Variants in NR2C1 observed in about 807,000 individuals in gnomAD.
NR2C1 encodes the protein TR2 nuclear hormone receptor.
A neutral mutation model predicts 74.8 loss-of-function variants in NR2C1; 33 were observed. That is an observed-to-expected ratio of 0.44 (90% CI 0.33 to 0.59). The LOEUF (loss-of-function observed/expected upper bound fraction) is 0.59. Ranked by LOEUF, NR2C1 falls within the 20% of genes least tolerant of loss-of-function variation. The pLI is 0.02. For missense variants in NR2C1, 568 were observed against 715.6 expected, an observed-to-expected ratio of 0.79 and a Z score of 2.35; for synonymous variants, 225 against 240.6, an observed-to-expected ratio of 0.94 and a Z score of 0.60.
chr12:95,029,601 A>G (rs1592725334), intron 11 of NR2C1, among the ~76,000 whole-genome samples: 1 of 134,790 alleles, frequency 7.4e-6, no homozygotes, highest in East Asian at 2.2e-4. Flanking sequence ...TCTGTCGCCC[A>G]GGCTGGAGTG....
chr12:95,045,048 G>GA (rs1872134867), intron 9 of NR2C1, among the ~76,000 whole-genome samples: 1 of 152,060 alleles, frequency 6.6e-6, no homozygotes, highest in African/African-American at 2.4e-5. Context: ...CACACAAATA[G>GA]AAAAAAATCA....
chr12:95,024,866 G>A (rs1592718088), intron 13 of NR2C1, among the ~76,000 whole-genome samples: 1 of 152,212 alleles, frequency 6.6e-6, no homozygotes, highest in Non-Finnish European at 1.5e-5. Flanking sequence ...GGATTTTAGA[G>A]TCAGACTACT....
chr12:95,050,224 A>G (rs1041047965), intron 8 of NR2C1, among the ~76,000 whole-genome samples: 1 of 152,242 alleles, frequency 6.6e-6, no homozygotes, highest in African/African-American at 2.4e-5. Flanking sequence ...TTTTTCAATA[A>G]GCCTCCTAGA....
At chr12:95,022,978 T>C (rs947041638) in intron 13 of NR2C1, among the ~76,000 whole-genome samples, 12 of 151,742 alleles carry the variant, frequency 7.9e-5, no homozygotes, top group South Asian at 2.1e-4. Context: ...ACTGAGATTA[T>C]AAGCGTGAGC....
At chr12:95,044,324 G>A (rs1684759761) in intron 9 of NR2C1, among the ~76,000 whole-genome samples, 1 of 151,568 alleles carries the variant, frequency 6.6e-6, no homozygotes, top group African/African-American at 2.4e-5. Context: ...CTGCAGTGCA[G>A]TGGTGCCATC....
At chr12:95,059,106 A>C (rs1859713535) in intron 4 of NR2C1, among the ~76,000 whole-genome samples, 1 of 151,846 alleles carries the variant, frequency 6.6e-6, no homozygotes, top group Non-Finnish European at 1.5e-5. Flanking sequence ...GTTCAAGACC[A>C]GCATGGCCAA....
Position 95,025,244 on chromosome 12 carries a change from G to A in NR2C1, c.1543C>T (p.Leu515=), listed in dbSNP as rs752435208. 4.4e-6 allele frequency: 7 copies of A among 1,582,334 alleles called. No homozygotes were observed. In the African/African-American group the frequency reaches 8.1e-5, roughly 18 times the overall value. ...IVLFSPDHPS[L]ENMEQIEKFQ... ...TTCTCTATCTGTTCCATGTTTTCTA[G>A]GCTTGGATGATCTGAAACATTAAAG... The change falls in exon 13 of 14, where the codon CTA becomes TTA. Residue 515 remains leucine, a synonymous_variant. Coordinates refer to ENST00000333003, the MANE Select transcript of NR2C1 (RefSeq NM_003297.4).
At chr12:95,037,041 A>G (rs1192163320) in intron 10 of NR2C1, among the ~76,000 whole-genome samples, 5 of 152,216 alleles carry the variant, frequency 3.3e-5, no homozygotes, top group African/African-American at 1.2e-4. Flanking sequence ...GTAATTTAAA[A>G]GATTCAGCTG....
At chr12:95,072,300 A>C (rs1876776505) in intron 1 of NR2C1, among the ~76,000 whole-genome samples, 2 of 150,880 alleles carry the variant, frequency 1.3e-5, no homozygotes, top group Admixed American at 1.3e-4. Context: ...ACAAAAACAA[A>C]AAAACTAGCT....
chr12:95,043,547 G>A (rs1871874593), intron 9 of NR2C1, among the ~76,000 whole-genome samples: 1 of 151,518 alleles, frequency 6.6e-6, no homozygotes, highest in Non-Finnish European at 1.5e-5. Flanking sequence ...AAATTAGCCG[G>A]GCATGGCGGT....
At chr12:95,046,313 T>C (rs918910596) in intron 9 of NR2C1, among the ~76,000 whole-genome samples, 2 of 152,194 alleles carry the variant, frequency 1.3e-5, no homozygotes, top group African/African-American at 2.4e-5. Flanking sequence ...CTACCAGGTA[T>C]GGTGGGTTAC....
Position 95,049,157 on chromosome 12 carries a change from C to T in NR2C1, c.1042G>A (p.Gly348Arg), listed in dbSNP as rs373219287. Reference protein sequence around the residue: ...ACQSSVAGMEGSVHLITGDSS... With the variant: ...ACQSSVAGMERSVHLITGDSS... ...TCTCCAGTGATTAGGTGTACACTTC[C>T]TTCCATGCCCGCTACTGAGCTCTGG... Residue 348 changes from glycine to arginine, a missense_variant, in exon 9 of 14, where the codon GGA (glycine) becomes AGA (arginine). This residue lies in a region of NR2C1 where 239 missense variants were observed against 232.3 expected (regional missense o/e 1.03). Transcript: ENST00000333003. 2.1e-5 allele frequency: 34 copies of T among 1,614,014 alleles called. No individual in the cohort carries two copies. The Middle Eastern group carries it at 9.9e-4, about 47-fold the overall frequency.
At chr12:95,031,556 A>ATTTATAT in intron 10 of NR2C1, 68 bp from the exon 11 acceptor site, 5 of 1,234,626 alleles carry the variant, frequency 4.0e-6, no homozygotes, top group Non-Finnish European at 5.5e-6. Context: ...CCTTACAGCT[A>ATTTATAT]GTCCAAATAC....
At chr12:95,038,803 T>C (rs1221061360) in intron 10 of NR2C1, among the ~76,000 whole-genome samples, 1 of 152,204 alleles carries the variant, frequency 6.6e-6, no homozygotes, top group Non-Finnish European at 1.5e-5. Context: ...CCCTCAGTAG[T>C]GTGTACTTGG....
At chr12:95,067,263 G>A (rs997953154) in intron 2 of NR2C1, 68 bp downstream of exon 2, 1 of 1,185,798 alleles carries the variant, frequency 8.4e-7, no homozygotes, top group South Asian at 1.2e-5. Flanking sequence ...TCCAGAACCT[G>A]GTATATGCAT....
intron 2 of NR2C1, among the ~76,000 whole-genome samples, chr12:95,065,327 C>T (rs140785542): frequency 9.7e-4 from 147 of 152,124 alleles, no homozygotes; most frequent in African/African-American, 3.4e-3. Context: ...GGATTACAGG[C>T]GCCCGCCACC....
intron 3 of NR2C1, among the ~76,000 whole-genome samples, chr12:95,060,240 T>C (rs1434763291): frequency 6.6e-6 from 1 of 152,184 alleles, no homozygotes; most frequent in African/African-American, 2.4e-5. Flanking sequence ...TATAAATAAA[T>C]TTCCTTGAGG....
At chr12:95,046,318 G>A (rs1872306877) in intron 9 of NR2C1, among the ~76,000 whole-genome samples, 1 of 152,158 alleles carries the variant, frequency 6.6e-6, no homozygotes, top group Non-Finnish European at 1.5e-5. Flanking sequence ...AGGTATGGTG[G>A]GTTACACTTG....
Position 95,043,689 on chromosome 12 carries a change from C to CAAAAAAAAAAAAAAAAAAAAAAAA in NR2C1, c.1132-3093_1132-3092insTTTTTTTTTTTTTTTTTTTTTTTT, listed in dbSNP as rs34229669. On this transcript the variant is annotated intron_variant, in intron 9 of 13. Coordinates refer to ENST00000333003, the MANE Select transcript of NR2C1 (RefSeq NM_003297.4). ...TGGGAGACAGAGCAAGACTCTGTCT[C>CAAAAAAAAAAAAAAAAAAAAAAAA]AAAAAAAAAAAAAATCCTTTGCAAA... Among the ~76,000 whole-genome samples the CAAAAAAAAAAAAAAAAAAAAAAAA allele has an allele frequency of 1.8e-4, 17 of 94,274 alleles. 1 individual carries two copies. The highest frequency in any genetic ancestry group is 2.0e-4 in the African/African-American group (5 of 25,020). 61.8% of individuals were successfully genotyped at this position (94,274 alleles called of 152,430 possible).
Sources: gnomAD v4.1 joint callset for allele counts (sites outside exome capture counted in the v4.1 genomes callset) on GRCh38, gnomAD v4.1.1 for gene constraint, gnomAD v4.1.1 regional missense constraint, MANE v1.5 for transcripts, NCBI Gene and HGNC (gene_info 2026-07-23, HGNC 2026-07-21) for gene names.